The following KDM6A variants were observed in gnomAD, a reference collection of about 807,000 sequenced individuals.
KDM6A encodes lysine demethylase 6A.
Under a neutral mutation model 117.6 loss-of-function variants are expected in KDM6A, and 11 were observed. That is an observed-to-expected ratio of 0.09 (90% CI 0.06 to 0.15). The LOEUF is 0.15. Ranked by LOEUF, KDM6A falls within the 10% of genes least tolerant of loss-of-function variation. The pLI is 1.00. For synonymous variants in KDM6A, 384 were observed against 396.1 expected (o/e 0.97, Z 0.36); for missense variants, 799 against 1,077.3 (o/e 0.74, Z 3.62).
chrX:44,935,445 G>A (rs1014245668), intron 2 of KDM6A, among the ~76,000 whole-genome samples: 5 of 110,834 alleles, frequency 4.5e-5, no homozygotes, highest in Admixed American at 3.8e-4. Context: ...TGTGAATTGT[G>A]ATTCATAAAG....
At chrX:44,876,321 T>A (rs1477683173) in intron 2 of KDM6A, among the ~76,000 whole-genome samples, 1 of 111,967 alleles carries the variant, frequency 8.9e-6, no homozygotes, top group East Asian at 2.8e-4. Context: ...CTTCGCACCC[T>A]CTGTTTGAAT....
chrX:44,988,460 C>T (rs770572469), intron 4 of KDM6A, among the ~76,000 whole-genome samples: 73 of 111,727 alleles, frequency 6.5e-4, no homozygotes, highest in Non-Finnish European at 1.3e-3. Flanking sequence ...TGAGGAGCTG[C>T]GTTCCTTTGG....
chrX:44,927,083 C>G (rs930648279), intron 2 of KDM6A, among the ~76,000 whole-genome samples: 4 of 111,489 alleles, frequency 3.6e-5, no homozygotes, highest in African/African-American at 1.3e-4. Context: ...TAAAATTTCA[C>G]TTACAGGGCT....
chrX:44,921,395 T>C (rs1174156145), intron 2 of KDM6A, among the ~76,000 whole-genome samples: 1 of 111,614 alleles, frequency 9.0e-6, no homozygotes. Context: ...TGTGCGTGTT[T>C]GTATGGCTCT....
At chrX:44,990,146 A>G (rs999758057) in intron 4 of KDM6A, among the ~76,000 whole-genome samples, 3 of 112,190 alleles carry the variant, frequency 2.7e-5, no homozygotes, top group Admixed American at 1.9e-4. Context: ...ATTTGTCCAT[A>G]TCTTGTGAAA....
rs760012564 is a variant in KDM6A at position 45,083,173 on chromosome X, ATTT to A, written c.3441-284_3441-282del. 0.046 allele frequency among the ~76,000 whole-genome samples: 5,140 copies of A among 110,678 alleles called. 315 individuals are homozygous for A. Among genetic ancestry groups the A allele is most frequent in the African/African-American group, 0.16 (4,924 of 30,346 alleles). On this transcript the variant is annotated intron_variant, in intron 23 of 29. Coordinates refer to ENST00000611820, the MANE Select transcript of KDM6A (RefSeq NM_001291415.2). ...TGCTAATTACATAATCACAAATTATATTTTTAATTATATGAAATAGTTACGTGA... is the reference window on the plus strand; with the variant it reads ...TGCTAATTACATAATCACAAATTATATTAATTATATGAAATAGTTACGTGA...
intron 2 of KDM6A, among the ~76,000 whole-genome samples, chrX:44,899,033 G>GTGTT (rs1227246471): frequency 9.7e-6 from 1 of 102,575 alleles, no homozygotes; most frequent in Non-Finnish European, 2.0e-5. Flanking sequence ...GTGTGTGTGT[G>GTGTT]TGTGTTTGTT....
At chrX:44,969,638 G>T (rs1201384657) in intron 3 of KDM6A, among the ~76,000 whole-genome samples, 3 of 109,800 alleles carry the variant, frequency 2.7e-5, no homozygotes, top group Non-Finnish European at 5.7e-5. Context: ...GGATGGTCTC[G>T]ATCTCCTGAC....
intron 5 of KDM6A, among the ~76,000 whole-genome samples, chrX:45,020,059 C>G (rs1047458004): frequency 2.7e-5 from 3 of 111,384 alleles, no homozygotes; most frequent in Admixed American, 9.6e-5. Flanking sequence ...ATGGTCATTT[C>G]TACAAATGGT....
At chrX:44,900,792 G>A (rs1374069236) in intron 2 of KDM6A, among the ~76,000 whole-genome samples, 1 of 111,552 alleles carries the variant, frequency 9.0e-6, no homozygotes, top group East Asian at 2.8e-4. Flanking sequence ...AGCTACTCGG[G>A]CGGCTGAGGC....
chrX:44,967,128 C>T (rs1442835051), intron 3 of KDM6A, among the ~76,000 whole-genome samples: 1 of 111,233 alleles, frequency 9.0e-6, no homozygotes, highest in Admixed American at 9.6e-5. Context: ...CTTTGGCCTC[C>T]CAAAGTGCTG....
In KDM6A at chrX:44,873,206, T is replaced by G. The variant is rs1390320953; in HGVS notation, c.-346T>G. 6 of 256,084 alleles carry G rather than the reference T, an allele frequency of 2.3e-5. No individual in the cohort carries two copies. The highest frequency in any genetic ancestry group is 4.1e-5 in the Non-Finnish European group (6 of 147,275). The allele number at this position is 256,084 out of a possible 1,213,427, so 21.1% of individuals were successfully genotyped here. A position where few individuals can be genotyped will look rare whatever the true frequency, so the allele number is the denominator to read the frequency against. The stretch of plus-strand genomic sequence containing the variant: ...CACAATTACAACAACTTTGTGCTGG[T>G]GCCGGGGAAGTTTGTGTCTCCAACG... On this transcript the variant is annotated 5_prime_UTR_variant, in exon 1 of 30. Coordinates refer to ENST00000611820, the MANE Select transcript of KDM6A (RefSeq NM_001291415.2).
intron 2 of KDM6A, among the ~76,000 whole-genome samples, chrX:44,924,171 A>G (rs1384399716): frequency 9.0e-6 from 1 of 111,590 alleles, no homozygotes; most frequent in Admixed American, 9.5e-5. Flanking sequence ...TAATGCTGCT[A>G]TTTGTATCAT....
intron 8 of KDM6A, among the ~76,000 whole-genome samples, chrX:45,047,077 C>A (rs1021042982): frequency 9.0e-6 from 1 of 110,564 alleles, no homozygotes; most frequent in African/African-American, 3.3e-5. Context: ...AGCTGTCATT[C>A]CTGTTGTATT....
intron 4 of KDM6A, among the ~76,000 whole-genome samples, chrX:44,985,702 G>A (rs751155469): frequency 8.9e-6 from 1 of 111,837 alleles, no homozygotes; most frequent in East Asian, 2.8e-4. Context: ...GTTATATGCT[G>A]GGTTACGTTT....
intron 3 of KDM6A, among the ~76,000 whole-genome samples, chrX:44,963,499 C>CTGTCTGTCTGTCTGTCTGTCTCTG (rs796328734): frequency 0.026 from 2,114 of 80,970 alleles, 49 homozygotes; most frequent in East Asian, 0.096. Flanking sequence ...GTCTGTCTGT[C>CTGTCTGTCTGTCTGTCTGTCTCTG]TCTGTCTGTC....
At chrX:44,882,858 G>T (rs2032441328) in intron 2 of KDM6A, among the ~76,000 whole-genome samples, 1 of 111,386 alleles carries the variant, frequency 9.0e-6, no homozygotes, top group African/African-American at 3.3e-5. Context: ...CAGTCAGTCT[G>T]TTGGGAGAGG....
chrX:44,919,920 T>G (rs1264808247), intron 2 of KDM6A, among the ~76,000 whole-genome samples: 3 of 111,986 alleles, frequency 2.7e-5, no homozygotes, highest in Non-Finnish European at 5.6e-5. Context: ...CAATTTGCCT[T>G]TTGATTTCTG....
intron 4 of KDM6A, 130 bp downstream of exon 4, chrX:44,974,845 A>G (rs2039541754): frequency 1.9e-6 from 1 of 529,810 alleles, no homozygotes. Context: ...GGGGAAAGGT[A>G]TTGGAAAAGG....
Sources: gnomAD v4.1 joint callset for allele counts (sites outside exome capture counted in the v4.1 genomes callset) on GRCh38, gnomAD v4.1.1 for gene constraint, MANE v1.5 for transcripts, NCBI Gene and HGNC (gene_info 2026-07-23, HGNC 2026-07-21) for gene names.